The following ZNF407 variants were observed in gnomAD, a reference collection of about 807,000 sequenced individuals.
ZNF407 encodes zinc finger protein 407.
A neutral mutation model predicts 131.2 loss-of-function variants in ZNF407; 17 were observed. That is an observed-to-expected ratio of 0.13 (90% confidence interval 0.09 to 0.19). ZNF407 has a LOEUF of 0.19. ZNF407 is among the 10% of genes least tolerant of loss of function. The pLI is 1.00. For synonymous variants in ZNF407, 1,156 were observed against 1,062.0 expected, an observed-to-expected ratio of 1.09 and a Z score of -1.72; for missense variants, 2,681 against 2,830.6, an observed-to-expected ratio of 0.95 and a Z score of 1.20.
chr18:74,777,914 C>T (rs1969507406), intron 3 of ZNF407, among the ~76,000 whole-genome samples: 1 of 151,984 alleles, frequency 6.6e-6, no homozygotes, highest in Admixed American at 6.6e-5. Flanking sequence ...AGACCCCTGT[C>T]TCTACAAAAA....
intron 3 of ZNF407, among the ~76,000 whole-genome samples, chr18:74,676,461 G>T (rs553687497): frequency 2.0e-5 from 3 of 147,494 alleles, no homozygotes; most frequent in Non-Finnish European, 4.5e-5. Flanking sequence ...TTTTGAGACG[G>T]AGTCTCGCTC....
rs897136289 is a variant in ZNF407, at chr18:74,757,877, C to T, written c.4803-23551C>T. 3.9e-5 allele frequency among the ~76,000 whole-genome samples: 6 copies of T among 152,134 alleles called. No homozygotes were observed. The East Asian group carries it at 9.6e-4, about 24-fold the overall frequency. On this transcript the variant is annotated intron_variant, in intron 3 of 8. Coordinates refer to ENST00000299687, the MANE Select transcript of ZNF407 (RefSeq NM_017757.3). ...GTACCAACTTTTTGTTATAAATGTT[C>T]TCCCCCGTTTTTTGGCTTCTAGTAA...
intron 8 of ZNF407, among the ~76,000 whole-genome samples, chr18:74,954,166 T>A (rs144925163): frequency 9.9e-4 from 151 of 152,342 alleles, no homozygotes; most frequent in African/African-American, 3.5e-3. Flanking sequence ...GTTTCAATAT[T>A]AATGCCAATT....
chr18:75,041,101 C>G (rs1973367397), intron 8 of ZNF407, among the ~76,000 whole-genome samples: 1 of 152,194 alleles, frequency 6.6e-6, no homozygotes, highest in South Asian at 2.1e-4. Context: ...CAGTATCCCG[C>G]AAGGTGTCAG....
intron 8 of ZNF407, among the ~76,000 whole-genome samples, chr18:74,988,053 T>C (rs752885571): frequency 1.3e-5 from 2 of 152,168 alleles, no homozygotes; most frequent in Non-Finnish European, 2.9e-5. Context: ...ATACCTACTC[T>C]AAAGATACAA....
intron 8 of ZNF407, among the ~76,000 whole-genome samples, chr18:74,992,652 G>A (rs972396997): frequency 2.6e-5 from 4 of 152,228 alleles, no homozygotes; most frequent in African/African-American, 9.6e-5. Context: ...AAACTACAGT[G>A]AGGGGTCTCC....
At chr18:74,931,409 T>C (rs1971980971) in intron 8 of ZNF407, among the ~76,000 whole-genome samples, 1 of 152,100 alleles carries the variant, frequency 6.6e-6, no homozygotes, top group Admixed American at 6.5e-5. Flanking sequence ...AAAATAACCA[T>C]TTCCCCCAAA....
At chr18:74,822,783 T>A (rs916090181) in intron 4 of ZNF407, among the ~76,000 whole-genome samples, 1 of 152,206 alleles carries the variant, frequency 6.6e-6, no homozygotes, top group Non-Finnish European at 1.5e-5. Context: ...TTAAAGTAGT[T>A]TTTTTTCCAC....
chr18:75,023,990 C>A (rs1475830050), intron 8 of ZNF407, among the ~76,000 whole-genome samples: 1 of 152,048 alleles, frequency 6.6e-6, no homozygotes, highest in Non-Finnish European at 1.5e-5. Context: ...AAGTTTCGAT[C>A]TAGAGGCCTG....
intron 8 of ZNF407, among the ~76,000 whole-genome samples, chr18:74,977,229 C>A (rs1397369295): frequency 6.6e-6 from 1 of 152,224 alleles, no homozygotes; most frequent in Non-Finnish European, 1.5e-5. Flanking sequence ...GAGTTAAAAT[C>A]AAGCAACTTG....
chr18:74,992,863 C>T (rs1568294616), intron 8 of ZNF407, among the ~76,000 whole-genome samples: 1 of 152,118 alleles, frequency 6.6e-6, no homozygotes. Context: ...AGCCAAAAAG[C>T]ACATGAAATG....
At chr18:74,822,045 A>G (rs1362690437) in intron 4 of ZNF407, among the ~76,000 whole-genome samples, 2 of 151,792 alleles carry the variant, frequency 1.3e-5, no homozygotes, top group African/African-American at 4.8e-5. Flanking sequence ...TTTTTTTCAT[A>G]TGTTTGTTGG....
chr18:74,670,011 T>A (rs1045572856), intron 3 of ZNF407, among the ~76,000 whole-genome samples: 32 of 152,324 alleles, frequency 2.1e-4, no homozygotes, highest in South Asian at 6.2e-4. Context: ...AGTGGGATCT[T>A]CTCCCACAGC....
intron 8 of ZNF407, among the ~76,000 whole-genome samples, chr18:74,994,297 A>G (rs1972753358): frequency 1.3e-5 from 2 of 152,364 alleles, no homozygotes. Context: ...AACATTTACA[A>G]TGAGATAAAA....
At chr18:74,842,623 T>A (rs931507414) in intron 4 of ZNF407, among the ~76,000 whole-genome samples, 4 of 143,312 alleles carry the variant, frequency 2.8e-5, no homozygotes, top group African/African-American at 5.1e-5. Context: ...TGTGTGTGTG[T>A]GAGATTCCTT....
intron 8 of ZNF407, among the ~76,000 whole-genome samples, chr18:75,055,861 G>A (rs1290992755): frequency 3.9e-5 from 6 of 152,134 alleles, no homozygotes; most frequent in African/African-American, 1.2e-4. Flanking sequence ...TATTGTAAAT[G>A]TTCCTTCACT....
At chr18:74,663,016 A>G (rs1985778882) in intron 3 of ZNF407, among the ~76,000 whole-genome samples, 2 of 152,240 alleles carry the variant, frequency 1.3e-5, no homozygotes, top group Non-Finnish European at 2.9e-5. Flanking sequence ...GAAGCTCTGC[A>G]TATATAGATA....
chr18:74,638,367 GATGAATGA>G (rs72363699), intron 2 of ZNF407, among the ~76,000 whole-genome samples: 21,447 of 151,894 alleles, frequency 0.14, 1,540 homozygotes, highest in Non-Finnish European at 0.17. Flanking sequence ...TGAACGAGCA[GATGAATGA>G]ATGAATGAAT....
intron 8 of ZNF407, among the ~76,000 whole-genome samples, chr18:74,983,326 G>T (rs1437438485): frequency 6.6e-6 from 1 of 152,140 alleles, no homozygotes; most frequent in Non-Finnish European, 1.5e-5. Context: ...GGCACAGTCA[G>T]GTGTTATCTT....
Sources: allele counts gnomAD v4.1 joint callset (sites outside exome capture counted in the v4.1 genomes callset), GRCh38; gene constraint gnomAD v4.1.1; transcripts MANE v1.5; gene names NCBI Gene and HGNC (gene_info 2026-07-23, HGNC 2026-07-21).